Variants in MYOCD observed in about 807,000 individuals in gnomAD.
MYOCD encodes myocardin.
MYOCD carries 32 observed loss-of-function variants against 96.1 expected under a neutral mutation model. The ratio of observed to expected loss-of-function variants is 0.33; its 90% CI spans 0.25 to 0.45. MYOCD has a LOEUF of 0.45. Among genes scored for constraint, MYOCD ranks in the 20% least tolerant of loss-of-function variants. The pLI is 1.00. For synonymous variants in MYOCD, 469 were observed against 469.0 expected (o/e 1.00, Z 0.00); for missense variants, 1,133 against 1,200.6 (o/e 0.94, Z 0.83).
At chr17:12,740,859 C>G (rs1214258997) in intron 7 of MYOCD, among the ~76,000 whole-genome samples, 1 of 152,132 alleles carries the variant, frequency 6.6e-6, no homozygotes, top group Non-Finnish European at 1.5e-5. Context: ...CTGCCTCAGC[C>G]TCCCCAGTAG....
At chr17:12,696,260 G>A (rs555642248) in intron 1 of MYOCD, among the ~76,000 whole-genome samples, 2 of 152,138 alleles carry the variant, frequency 1.3e-5, no homozygotes, top group South Asian at 2.1e-4. Context: ...TTACAAGTGT[G>A]AGCCACTGTG....
chr17:12,688,862 C>G (rs1037112720), intron 1 of MYOCD, among the ~76,000 whole-genome samples: 2 of 152,096 alleles, frequency 1.3e-5, no homozygotes, highest in Non-Finnish European at 2.9e-5. Flanking sequence ...TGCTAGGACA[C>G]TTGGCCTATT....
At position 12,763,481 on chromosome 17, in the gene MYOCD, C is replaced by A; in HGVS notation, c.2798C>A (p.Ser933Tyr). 1 of 1,614,206 alleles carries A rather than the reference C, an allele frequency of 6.2e-7. No individual in the cohort carries two copies. Among genetic ancestry groups the A allele is most frequent in the Non-Finnish European group, 8.5e-7 (1 of 1,180,038 alleles). Residue 933 changes from serine to tyrosine, a missense_variant, in exon 14 of 14, where the codon TCT becomes TAT. Ser to Tyr is a moderately radical substitution (Grantham distance 144). Transcript: ENST00000425538. ...SNGLQLSFTESPWETMEWLDL... is the reference protein window; with the variant it reads ...SNGLQLSFTEYPWETMEWLDL... ...GGGCTGCAGTTAAGCTTCACTGAATCTCCCTGGGAAACCATGGAGTGGCTG... is the reference window on the plus strand; with the variant it reads ...GGGCTGCAGTTAAGCTTCACTGAATATCCCTGGGAAACCATGGAGTGGCTG...
chr17:12,764,351 C>G lies in MYOCD; in HGVS notation c.*707C>G, dbSNP rs1234509833. ...CACTCGGAACTTTCTTCTTTTTTAA[C>G]TAGTGGCCCAATCATTCCCACCATC... On this transcript the variant is annotated 3_prime_UTR_variant, in exon 14 of 14. Transcript: ENST00000425538. The G allele has an allele frequency of 6.6e-6, 1 of 152,092 alleles. No individual in the cohort carries two copies. Among genetic ancestry groups the G allele is most frequent in the African/African-American group, 2.4e-5 (1 of 41,362 alleles). The allele number at this position is 152,092 out of a possible 1,614,324, so 9.4% of individuals were successfully genotyped here. A position where few individuals can be genotyped will look rare whatever the true frequency, so the allele number is the denominator to read the frequency against.
intron 1 of MYOCD, among the ~76,000 whole-genome samples, chr17:12,672,891 C>A (rs905480975): frequency 6.6e-6 from 1 of 152,172 alleles, no homozygotes; most frequent in Non-Finnish European, 1.5e-5. Flanking sequence ...TCTTTATCAG[C>A]AATCCCTTCT....
In MYOCD at chr17:12,744,453, T is replaced by C. The variant is rs1204907347; in HGVS notation, c.971+17T>C. The C allele has an allele frequency of 6.3e-7, 1 of 1,590,550 alleles. No individual in the cohort carries two copies. Among genetic ancestry groups the C allele is most frequent in the Non-Finnish European group, 8.6e-7 (1 of 1,168,034 alleles). On this transcript the variant is annotated intron_variant, in intron 8 of 13. Transcript: ENST00000425538. Reference sequence around the variant, plus strand: ...TCAGCTTAAGTAAGTCCGGCAAGGCTGGGAGGGTGGCTGTGGGCAGAGGTT... The same window carrying C: ...TCAGCTTAAGTAAGTCCGGCAAGGCCGGGAGGGTGGCTGTGGGCAGAGGTT...
chr17:12,680,168 T>G (rs546990145), intron 1 of MYOCD, among the ~76,000 whole-genome samples: 1 of 152,116 alleles, frequency 6.6e-6, no homozygotes, highest in Admixed American at 6.5e-5. Flanking sequence ...TAGAAGAACT[T>G]CTTTGCCTCA....
At chr17:12,700,559 A>AC (rs997031880) in intron 1 of MYOCD, among the ~76,000 whole-genome samples, 7 of 149,294 alleles carry the variant, frequency 4.7e-5, no homozygotes, top group Non-Finnish European at 5.9e-5. Context: ...GACTACAGGC[A>AC]CCCCCCACCA....
At chr17:12,757,583 A>G (rs1597814881) in intron 11 of MYOCD, among the ~76,000 whole-genome samples, 2 of 151,938 alleles carry the variant, frequency 1.3e-5, no homozygotes. Flanking sequence ...TGCAACCTCC[A>G]CCTCCCAGGT....
intron 5 of MYOCD, among the ~76,000 whole-genome samples, chr17:12,727,799 C>T (rs1428310984): frequency 6.6e-6 from 1 of 152,172 alleles, no homozygotes; most frequent in Non-Finnish European, 1.5e-5. Context: ...TACTCCCAGA[C>T]ATCATCCCTC....
At chr17:12,727,487 A>G (rs2032032783) in intron 5 of MYOCD, among the ~76,000 whole-genome samples, 1 of 152,120 alleles carries the variant, frequency 6.6e-6, no homozygotes, top group Non-Finnish European at 1.5e-5. Flanking sequence ...TTGTGATCAT[A>G]TCTTCTCCCT....
intron 1 of MYOCD, among the ~76,000 whole-genome samples, chr17:12,674,875 A>C (rs183440806): frequency 6.6e-6 from 1 of 152,298 alleles, no homozygotes; most frequent in African/African-American, 2.4e-5. Flanking sequence ...TTTTCATCTC[A>C]GTGTAGGACA....
At chr17:12,669,522 T>G (rs2150624973) in intron 1 of MYOCD, among the ~76,000 whole-genome samples, 1 of 152,364 alleles carries the variant, frequency 6.6e-6, no homozygotes, top group Middle Eastern at 3.4e-3. Context: ...ACTTTTTCAC[T>G]ATATAGCAGT....
intron 6 of MYOCD, among the ~76,000 whole-genome samples, chr17:12,738,571 CATAT>C (rs1009986738): frequency 1.8e-4 from 27 of 152,214 alleles, no homozygotes; most frequent in African/African-American, 4.6e-4. Flanking sequence ...TGCACACACA[CATAT>C]ATACACACAT....
chr17:12,730,216 G>C (rs772477600), intron 5 of MYOCD, among the ~76,000 whole-genome samples: 3 of 152,048 alleles, frequency 2.0e-5, no homozygotes, highest in African/African-American at 4.8e-5. Context: ...GGGAGGCTGA[G>C]CGGTGGTGGA....
rs1254518006 is a variant in MYOCD at position 12,765,474 on chromosome 17, C to T, written c.*1830C>T. ...CACAGAGAGTTTTTGGTGATTGCTA[C>T]TCTGAAAGCTGCCAGATCTTATTCT... On this transcript the variant is annotated 3_prime_UTR_variant, in exon 14 of 14. Transcript: ENST00000425538. The T allele has an allele frequency of 6.6e-6, 1 of 152,102 alleles. No homozygotes were observed. The highest frequency in any genetic ancestry group is 2.4e-5 in the African/African-American group (1 of 41,428). The allele number at this position is 152,102 out of a possible 1,614,324, so 9.4% of individuals were successfully genotyped here. A position where few individuals can be genotyped will look rare whatever the true frequency, so the allele number is the denominator to read the frequency against.
At chr17:12,716,042 A>G (rs1398066313) in intron 3 of MYOCD, among the ~76,000 whole-genome samples, 1 of 152,192 alleles carries the variant, frequency 6.6e-6, no homozygotes, top group African/African-American at 2.4e-5. Context: ...TTTTTTTGTA[A>G]CATTTGAGGG....
intron 9 of MYOCD, among the ~76,000 whole-genome samples, chr17:12,751,782 C>T (rs188719129): frequency 3.3e-5 from 5 of 152,192 alleles, no homozygotes; most frequent in Admixed American, 6.5e-5. Flanking sequence ...TCTCAGTATA[C>T]GACTATTATT....
chr17:12,708,636 C>T (rs1460625731), intron 2 of MYOCD, among the ~76,000 whole-genome samples: 2 of 152,068 alleles, frequency 1.3e-5, no homozygotes, highest in Non-Finnish European at 2.9e-5. Context: ...CGTGATCCAC[C>T]CACCTCGGGT....
Sources: allele counts gnomAD v4.1 joint callset (sites outside exome capture counted in the v4.1 genomes callset), GRCh38; gene constraint gnomAD v4.1.1; transcripts MANE v1.5; gene names NCBI Gene and HGNC (gene_info 2026-07-23, HGNC 2026-07-21).